CCDC88B: variants seen among roughly 807,000 people sequenced by gnomAD.
CCDC88B encodes coiled-coil and HOOK domain protein 88B.
A neutral mutation model predicts 183.7 loss-of-function variants in CCDC88B; 138 were observed. The ratio of observed to expected loss-of-function variants is 0.75; its 90% CI spans 0.65 to 0.87. CCDC88B has a LOEUF of 0.87. Among genes scored for constraint, CCDC88B ranks in the 40% least tolerant of loss-of-function variants. CCDC88B has a pLI of 0.00. For synonymous variants in CCDC88B, 835 were observed against 867.5 expected (o/e 0.96, Z 0.66); for missense variants, 1,822 against 1,965.6 (o/e 0.93, Z 1.38).
intron 14 of CCDC88B, chr11:64,348,713 C>T (rs1263351057): frequency 1.2e-5 from 5 of 430,680 alleles, no homozygotes; most frequent in Non-Finnish European, 2.1e-5. Context: ...TCCTGCCAGG[C>T]CCCCCATGTG....
Position 64,343,977 on chromosome 11 carries a change from TCCCTCTCGTATGCCCTCAGCAC to T in CCDC88B, c.1456-16_1461del. 6.4e-7 allele frequency: 1 copy of T among 1,559,608 alleles called. No homozygotes were observed. Among genetic ancestry groups the T allele is most frequent in the Non-Finnish European group, 8.7e-7 (1 of 1,150,152 alleles). On this transcript the variant is annotated splice_acceptor_variant and splice_polypyrimidine_tract_variant and coding_sequence_variant and intron_variant, in exon 14 of 27. Coordinates refer to ENST00000356786, the MANE Select transcript of CCDC88B (RefSeq NM_032251.6). LOFTEE classifies it high-confidence loss of function. ...CCTAGTCCCTCCCTGGGCCTGACTG[TCCCTCTCGTATGCCCTCAGCAC>T]CCCCTGCTGGAGGCACCGAGAGAGG...
chr11:64,355,629 G>A lies in CCDC88B; in HGVS notation c.4375+1G>A. 1 of 1,610,444 alleles carries A rather than the reference G, an allele frequency of 6.2e-7. No individual in the cohort carries two copies. Among genetic ancestry groups the A allele is most frequent in the African/African-American group, 1.3e-5 (1 of 74,786 alleles). ...CACGAAACAGATGCCAACCGAGAGG[G>A]TGAGTGGGGGACTGTGGAAGGAGTA... On this transcript the variant is annotated splice_donor_variant, in intron 26 of 26. Transcript: ENST00000356786. LOFTEE classifies it high-confidence loss of function.
rs922612553 is a variant in CCDC88B at position 64,352,393 on chromosome 11, A to T, written c.3356+7A>T. 1.1e-5 allele frequency: 16 copies of T among 1,522,800 alleles called. No homozygotes were observed. In the African/African-American group the frequency reaches 2.2e-4, roughly 21 times the overall value. 94.3% of individuals were successfully genotyped at this position (1,522,800 alleles called of 1,614,324 possible). A position where few individuals can be genotyped will look rare whatever the true frequency, so the allele number is the denominator to read the frequency against. On this transcript the variant is annotated splice_region_variant and intron_variant, in intron 19 of 26. Coordinates refer to ENST00000356786, the MANE Select transcript of CCDC88B (RefSeq NM_032251.6). ...ACCGGGAGCTGCAGGGCCGGTGAGC[A>T]TCACCAAATGCCCAGCTCCTCCCCT...
chr11:64,356,841 G>A (rs150198218), intron 26 of CCDC88B, 198 bp from the exon 27 acceptor site: 23 of 552,236 alleles, frequency 4.2e-5, no homozygotes, highest in African/African-American at 1.1e-4. Context: ...TTGGAGGGGA[G>A]AGTTTGTCGT....
In CCDC88B at chr11:64,353,381, G is replaced by C. The variant is rs1246167496; in HGVS notation, c.3718G>C (p.Glu1240Gln). The change falls in exon 22 of 27, where the codon GAG (glutamate) becomes CAG (glutamine). Residue 1240 changes from glutamate to glutamine, a missense_variant. Glu to Gln is a conservative substitution (Grantham distance 29, BLOSUM62 2). Transcript: ENST00000356786. ...GACACAGCTGCGAAGTGCCCAGGAA[G>C]AGGAGAACCGGCAGCTGCTGGCTGA... is the stretch of plus-strand genomic sequence containing the variant. ...LLTQLRSAQE[E>Q]ENRQLLAEVQ... 1.9e-6 allele frequency: 3 copies of C among 1,613,552 alleles called. No individual in the cohort carries two copies. In the African/African-American group the frequency reaches 4.0e-5, roughly 22 times the overall value.
At chr11:64,355,122 T>G in intron 24 of CCDC88B, 72 bp from the exon 25 acceptor site, 3 of 804,334 alleles carry the variant, frequency 3.7e-6, no homozygotes, top group Non-Finnish European at 4.6e-6. Context: ...CCCCATTCTC[T>G]GACCTCCTCC....
Position 64,355,182 on chromosome 11 carries a change from T to A in CCDC88B, c.4100-12T>A, listed in dbSNP as rs1282299815. 6 of 1,454,710 alleles carry A rather than the reference T, an allele frequency of 4.1e-6. No individual in the cohort carries two copies. In the East Asian group the frequency reaches 1.3e-4, roughly 30 times the overall value. The allele number at this position is 1,454,710 out of a possible 1,614,324, so 90.1% of individuals were successfully genotyped here. A position where few individuals can be genotyped will look rare whatever the true frequency, so the allele number is the denominator to read the frequency against. On this transcript the variant is annotated splice_polypyrimidine_tract_variant and intron_variant, in intron 24 of 26. Coordinates refer to ENST00000356786, the MANE Select transcript of CCDC88B (RefSeq NM_032251.6). ...CCTCCTCTCACCCCCTCCCTGCATG[T>A]ACCTCTTGCAGGGTCCCCTTCCCCG... is the stretch of plus-strand genomic sequence containing the variant.
rs1243762525 is a variant in CCDC88B, at chr11:64,340,931, T to A, written c.231T>A (p.Pro77=). Residue 77 remains proline (P), a synonymous_variant, in exon 3 of 27, where the codon CCT becomes CCA. Transcript: ENST00000356786. ...GIIAPSSRGG[P]RMLRGLDGPA... is the part of the protein sequence containing the mutation. ...GTGCCCCCAGCTCCCGAGGGGGACC[T>A]CGGATGCTCAGAGGCCTTGACGGAC... is the stretch of plus-strand genomic sequence containing the variant. 6.4e-7 allele frequency: 1 copy of A among 1,569,530 alleles called. No individual in the cohort carries two copies. The highest frequency in any genetic ancestry group is 8.6e-7 in the Non-Finnish European group (1 of 1,156,996).
At chr11:64,340,827 C>A (rs909238229) in intron 2 of CCDC88B, 75 bp downstream of exon 2, 4 of 1,545,370 alleles carry the variant, frequency 2.6e-6, no homozygotes, top group Admixed American at 1.9e-5. Flanking sequence ...GAGCCTGATG[C>A]TCAGTGGGCG....
At position 64,344,689 on chromosome 11, in the gene CCDC88B, A is replaced by G. The variant is rs1477047812; in HGVS notation, c.2148A>G (p.Pro716=). 1.2e-6 allele frequency: 2 copies of G among 1,613,992 alleles called. No homozygotes were observed. Among genetic ancestry groups the G allele is most frequent in the Non-Finnish European group, 1.7e-6 (2 of 1,180,020 alleles). The change falls in exon 14 of 27, where the codon CCA becomes CCG. Residue 716 remains proline (P), a synonymous_variant. Coordinates refer to ENST00000356786, the MANE Select transcript of CCDC88B (RefSeq NM_032251.6). This position sits in a 1 kb window ranked among gnomAD's most constrained non-coding sequence, Gnocchi z 4.5. ...LEVQVWEGPI[P]GESLASGVAE... ...TCCAGGTCTGGGAAGGCCCAATCCC[A>G]GGGGAGAGCCTGGCCAGTGGTGTCG...
At position 64,353,126 on chromosome 11, in the gene CCDC88B, C is replaced by A; in HGVS notation, c.3573C>A (p.Gly1191=). 6.2e-7 allele frequency: 1 copy of A among 1,603,496 alleles called. No individual in the cohort carries two copies. The highest frequency in any genetic ancestry group is 8.5e-7 in the Non-Finnish European group (1 of 1,176,054). The part of the protein sequence containing the change: ...ELQGERGELR[G]RLARLELERA... ...AGGGTGAACGCGGGGAGCTACGGGG[C>A]CGGCTGGCGCGGCTGGAGCTGGAGC... Residue 1191 remains glycine (G), a synonymous_variant, in exon 21 of 27, where the codon GGC becomes GGA. Coordinates refer to ENST00000356786, the MANE Select transcript of CCDC88B (RefSeq NM_032251.6).
At chr11:64,355,172 T>C in intron 24 of CCDC88B, 22 bp from the exon 25 acceptor site, 1 of 1,182,086 alleles carries the variant, frequency 8.5e-7, no homozygotes, top group Non-Finnish European at 1.1e-6. Context: ...TCTCACCCCC[T>C]CCCTGCATGT....
chr11:64,343,664 C>G, intron 12 of CCDC88B, 49 bp downstream of exon 12: 1 of 1,547,478 alleles, frequency 6.5e-7, no homozygotes, highest in South Asian at 1.2e-5. Context: ...CTATGCTTTC[C>G]AGCAGTGTAC....
At position 64,344,744 on chromosome 11, in the gene CCDC88B, G is replaced by A; in HGVS notation, c.2203G>A (p.Ala735Thr). The change falls in exon 14 of 27, where the codon GCA (alanine) becomes ACA (threonine). Residue 735 changes from alanine (A) to threonine (T), a missense_variant. Transcript: ENST00000356786. The surrounding 1 kb of genome is among the most constrained non-coding windows in gnomAD (Gnocchi z 4.5). ...GCAGGAGGCCCTCAGGGAGGAGGTG[G>A]CACAGTTGAGGAGAAAGGCTGAGGC... ...AEQEALREEV[A>T]QLRRKAEALG... 1 of 1,614,064 alleles carries A rather than the reference G, an allele frequency of 6.2e-7. No homozygotes were observed. The highest frequency in any genetic ancestry group is 1.1e-5 in the South Asian group (1 of 91,084).
Position 64,341,708 on chromosome 11 carries a change from C to G in CCDC88B, c.641C>G (p.Ser214Trp), listed in dbSNP as rs372217739. Residue 214 changes from serine (S) to tryptophan (W), a missense_variant, in exon 7 of 27, where the codon TCG becomes TGG. Transcript: ENST00000356786. ...MLSRSLMGTLSKLARERDLGA... is the reference protein window; with the variant it reads ...MLSRSLMGTLWKLARERDLGA... ...TCCCGGAGCCTGATGGGGACACTGTCGAAGCTGGCACGGGAGCGTGACCTG... is the reference window on the plus strand; with the variant it reads ...TCCCGGAGCCTGATGGGGACACTGTGGAAGCTGGCACGGGAGCGTGACCTG... The G allele has an allele frequency of 3.8e-6, 6 of 1,595,286 alleles. No homozygotes were observed. The highest frequency in any genetic ancestry group is 1.7e-4 in the Middle Eastern group (1 of 5,962).
In CCDC88B at chr11:64,344,646, C is replaced by T; in HGVS notation, c.2105C>T (p.Ser702Leu). The change falls in exon 14 of 27, where the codon TCA becomes TTA. Residue 702 changes from serine to leucine, a missense_variant. Coordinates refer to ENST00000356786, the MANE Select transcript of CCDC88B (RefSeq NM_032251.6). The surrounding 1 kb of genome is among the most constrained non-coding windows in gnomAD (Gnocchi z 4.5). ...DPAWQKPQQKSEGALEVQVWE... is the reference protein window; with the variant it reads ...DPAWQKPQQKLEGALEVQVWE... ...GCCTGGCAAAAACCACAGCAGAAGTCAGAAGGGGCTCTTGAGGTCCAGGTC... is the reference window on the plus strand; with the variant it reads ...GCCTGGCAAAAACCACAGCAGAAGTTAGAAGGGGCTCTTGAGGTCCAGGTC... The T allele has an allele frequency of 2.5e-6, 4 of 1,613,842 alleles. No homozygotes were observed. Among genetic ancestry groups the T allele is most frequent in the South Asian group, 1.1e-5 (1 of 91,044 alleles).
intron 23 of CCDC88B, 79 bp from the exon 24 acceptor site, chr11:64,353,925 G>C: frequency 6.4e-7 from 1 of 1,566,284 alleles, no homozygotes; most frequent in Non-Finnish European, 8.7e-7. Context: ...GGTCAACCTG[G>C]CCTTTGACAT....
chr11:64,355,807 C>A, intron 26 of CCDC88B, 179 bp downstream of exon 26: 1 of 544,018 alleles, frequency 1.8e-6, no homozygotes, highest in Admixed American at 3.8e-5. Context: ...AACAATTTGC[C>A]TAAAAATAAT....
intron 16 of CCDC88B, 126 bp from the exon 17 acceptor site, chr11:64,351,034 T>A: frequency 1.7e-6 from 1 of 586,560 alleles, no homozygotes; most frequent in Non-Finnish European, 2.8e-6. Flanking sequence ...AGGGAAGGCA[T>A]GGGATTGGGG....
Sources: gnomAD v4.1 joint callset for allele counts on GRCh38, gnomAD v4.1.1 for gene constraint, Gnocchi (gnomAD v3.1) non-coding constraint, MANE v1.5 for transcripts, NCBI Gene and HGNC (gene_info 2026-07-23, HGNC 2026-07-21) for gene names.